Variants in SPAG16 observed in about 807,000 individuals in gnomAD.
SPAG16 encodes sperm-associated antigen 16 protein.
A neutral mutation model predicts 80.4 loss-of-function variants in SPAG16; 86 were observed. The observed-to-expected ratio is 1.07, with a 90% confidence interval of 0.90 to 1.28. SPAG16 has a LOEUF of 1.28. Among genes scored for constraint, SPAG16 ranks in the 50% most tolerant of loss-of-function variants. The pLI, the probability that SPAG16 is intolerant of heterozygous loss-of-function variation, is 0.00. For missense variants in SPAG16, 870 were observed against 765.3 expected (o/e 1.14, Z -1.61); for synonymous variants, 294 against 265.9 (o/e 1.11, Z -1.03).
intron 9 of SPAG16, among the ~76,000 whole-genome samples, chr2:213,384,389 A>C (rs1294043532): frequency 6.6e-6 from 1 of 152,160 alleles, no homozygotes; most frequent in Non-Finnish European, 1.5e-5. Flanking sequence ...AGATGGGTTC[A>C]TGGATTCCAT....
chr2:213,587,347 G>C (rs982030748), intron 10 of SPAG16, among the ~76,000 whole-genome samples: 2 of 152,040 alleles, frequency 1.3e-5, no homozygotes, highest in African/African-American at 4.8e-5. Context: ...CCATACCTGG[G>C]TCAGCCATAC....
chr2:213,368,669 T>C (rs1002468006), intron 8 of SPAG16, among the ~76,000 whole-genome samples: 2 of 152,182 alleles, frequency 1.3e-5, no homozygotes, highest in Non-Finnish European at 2.9e-5. Flanking sequence ...GAAAACCCCA[T>C]CATCTCAGCC....
At chr2:214,046,840 G>A (rs903343064) in intron 13 of SPAG16, among the ~76,000 whole-genome samples, 3 of 151,584 alleles carry the variant, frequency 2.0e-5, no homozygotes, top group Non-Finnish European at 2.9e-5. Context: ...ATTCAGTAAT[G>A]TTCCAGGATA....
chr2:213,909,194 A>C (rs1380835191), intron 11 of SPAG16, among the ~76,000 whole-genome samples: 1 of 152,194 alleles, frequency 6.6e-6, no homozygotes, highest in Non-Finnish European at 1.5e-5. Flanking sequence ...CTCTTCAAGG[A>C]CAACTACAAA....
chr2:213,630,344 A>G (rs1360792069), intron 10 of SPAG16, among the ~76,000 whole-genome samples: 1 of 151,458 alleles, frequency 6.6e-6, no homozygotes, highest in Non-Finnish European at 1.5e-5. Context: ...AGATTGCACC[A>G]CTGCACTCCG....
intron 15 of SPAG16, among the ~76,000 whole-genome samples, chr2:214,279,257 C>T (rs538730229): frequency 1.2e-4 from 19 of 152,242 alleles, no homozygotes; most frequent in African/African-American, 4.6e-4. Flanking sequence ...CCACAATGCC[C>T]AGCTAATTTT....
intron 10 of SPAG16, among the ~76,000 whole-genome samples, chr2:213,857,128 G>A (rs745858405): frequency 6.6e-5 from 10 of 152,174 alleles, no homozygotes; most frequent in Non-Finnish European, 7.3e-5. Context: ...TACTCAGGAG[G>A]CTGAAGCTGG....
At chr2:213,586,765 A>G (rs547256396) in intron 10 of SPAG16, among the ~76,000 whole-genome samples, 4 of 152,244 alleles carry the variant, frequency 2.6e-5, no homozygotes, top group African/African-American at 4.8e-5. Context: ...ACAAATTACA[A>G]TGATGGGGTA....
chr2:214,216,092 T>C (rs2058424770), intron 15 of SPAG16, among the ~76,000 whole-genome samples: 1 of 152,194 alleles, frequency 6.6e-6, no homozygotes. Context: ...ATTAGCCAAG[T>C]TTTATTTTAA....
chr2:213,396,934 AC>A (rs1339674513), intron 9 of SPAG16, among the ~76,000 whole-genome samples: 1 of 151,914 alleles, frequency 6.6e-6, no homozygotes, highest in Non-Finnish European at 1.5e-5. Context: ...GACTCCCCAA[AC>A]CCTTTCTTTG....
At chr2:214,374,440 T>C (rs1700005951) in intron 15 of SPAG16, among the ~76,000 whole-genome samples, 1 of 152,222 alleles carries the variant, frequency 6.6e-6, no homozygotes, top group South Asian at 2.1e-4. Flanking sequence ...AACCTCTCGA[T>C]ATTTCATGAA....
At chr2:213,956,863 G>A (rs1363593313) in intron 12 of SPAG16, among the ~76,000 whole-genome samples, 2 of 152,026 alleles carry the variant, frequency 1.3e-5, no homozygotes, top group African/African-American at 2.4e-5. Context: ...CTCTAAGTAT[G>A]TTTAAATTTT....
chr2:213,372,889 A>C (rs769470345), intron 8 of SPAG16, among the ~76,000 whole-genome samples: 2 of 152,188 alleles, frequency 1.3e-5, no homozygotes, highest in African/African-American at 4.8e-5. Context: ...ATATTTATCC[A>C]AGAGCCTGAA....
chr2:214,069,748 T>C (rs576561790), intron 13 of SPAG16, among the ~76,000 whole-genome samples: 1 of 152,082 alleles, frequency 6.6e-6, no homozygotes, highest in Non-Finnish European at 1.5e-5. Context: ...GAAACTTCTA[T>C]ATCTACTCAT....
chr2:214,008,464 G>A (rs781254616), intron 12 of SPAG16, among the ~76,000 whole-genome samples: 1 of 151,942 alleles, frequency 6.6e-6, no homozygotes, highest in Non-Finnish European at 1.5e-5. Context: ...ACATGCTGGG[G>A]CTGGGTGTAG....
rs574832259 is a variant in SPAG16 at position 213,573,203 on chromosome 2, C to T, written c.1070+83113C>T. Among the ~76,000 whole-genome samples, 469 of 152,264 alleles carry T rather than the reference C, an allele frequency of 3.1e-3. 3 individuals are homozygous for T. Among genetic ancestry groups the T allele is most frequent in the African/African-American group, 0.01 (429 of 41,548 alleles). ...ATGCAGAAATCACCGTCTTCTGCGT[C>T]GGTCACGCTGGGAGCTGTAGACCGG... On this transcript the variant is annotated intron_variant, in intron 10 of 15. Coordinates refer to ENST00000331683, the MANE Select transcript of SPAG16 (RefSeq NM_024532.5).
At chr2:214,288,703 A>G (rs1279366650) in intron 15 of SPAG16, among the ~76,000 whole-genome samples, 2 of 152,018 alleles carry the variant, frequency 1.3e-5, no homozygotes, top group African/African-American at 2.4e-5. Context: ...ATTTTATCAT[A>G]TACCACTTGA....
intron 15 of SPAG16, among the ~76,000 whole-genome samples, chr2:214,286,773 T>TA (rs1027656411): frequency 6.6e-6 from 1 of 151,920 alleles, no homozygotes; most frequent in African/African-American, 2.4e-5. Flanking sequence ...ATAAATAAAA[T>TA]AAAAAATAAC....
chr2:213,426,942 GT>G (rs912509206), intron 9 of SPAG16, among the ~76,000 whole-genome samples: 1 of 150,720 alleles, frequency 6.6e-6, no homozygotes, highest in Admixed American at 6.6e-5. Context: ...AATAACCAAA[GT>G]TTTTTTCTTA....
Sources: allele counts gnomAD v4.1 joint callset (sites outside exome capture counted in the v4.1 genomes callset), GRCh38; gene constraint gnomAD v4.1.1; transcripts MANE v1.5; gene names NCBI Gene and HGNC (gene_info 2026-07-23, HGNC 2026-07-21).